WDFY2: variants seen among roughly 807,000 people sequenced by gnomAD.
The protein encoded by WDFY2 is WD repeat and FYVE domain-containing protein 2.
In WDFY2, 36 loss-of-function variants were observed where a neutral mutation model predicts 56.4. The ratio of observed to expected loss-of-function variants is 0.64; its 90% confidence interval spans 0.49 to 0.84. The LOEUF (loss-of-function observed/expected upper bound fraction) is 0.84, where lower values mean the gene tolerates loss of function less well. Ranked by LOEUF, WDFY2 falls within the 40% of genes least tolerant of loss-of-function variation. The pLI, the probability that WDFY2 is intolerant of heterozygous loss-of-function variation, is 0.00. For missense variants in WDFY2, 444 were observed against 512.2 expected, an observed-to-expected ratio of 0.87 and a Z score of 1.29; for synonymous variants, 176 against 183.7, an observed-to-expected ratio of 0.96 and a Z score of 0.34.
At chr13:51,638,389 AG>A (rs1215727115) in intron 1 of WDFY2, among the ~76,000 whole-genome samples, 1 of 152,178 alleles carries the variant, frequency 6.6e-6, no homozygotes, top group African/African-American at 2.4e-5. Flanking sequence ...AGAATTTGAC[AG>A]GGCTGAGCAA....
At chr13:51,723,938 C>T (rs1952545151) in intron 5 of WDFY2, among the ~76,000 whole-genome samples, 2 of 152,226 alleles carry the variant, frequency 1.3e-5, no homozygotes, top group Non-Finnish European at 2.9e-5. Flanking sequence ...TTAGCTAGGG[C>T]TATTTGGTTA....
intron 3 of WDFY2, among the ~76,000 whole-genome samples, chr13:51,697,632 C>CA (rs200946257): frequency 0.025 from 2,010 of 79,920 alleles, 17 homozygotes; most frequent in African/African-American, 0.067. Context: ...GATCCTGCCT[C>CA]AAAAAAAAAA....
intron 1 of WDFY2, among the ~76,000 whole-genome samples, chr13:51,630,841 C>G (rs767830914): frequency 6.6e-6 from 1 of 150,580 alleles, no homozygotes; most frequent in Non-Finnish European, 1.5e-5. Context: ...TGCAGTGGCG[C>G]TATCTCGGGT....
At chr13:51,679,003 C>A (rs563414660) in intron 3 of WDFY2, among the ~76,000 whole-genome samples, 9 of 152,158 alleles carry the variant, frequency 5.9e-5, no homozygotes, top group East Asian at 1.9e-4. Flanking sequence ...GGGAAAAAAA[C>A]CACCCAAACC....
intron 6 of WDFY2, among the ~76,000 whole-genome samples, chr13:51,734,831 G>A (rs1435808487): frequency 6.6e-6 from 1 of 152,220 alleles, no homozygotes; most frequent in Non-Finnish European, 1.5e-5. Context: ...CACTGAAAGG[G>A]ACCAGAAAGA....
intron 3 of WDFY2, among the ~76,000 whole-genome samples, chr13:51,686,699 C>T (rs906623615): frequency 6.6e-6 from 1 of 151,988 alleles, no homozygotes; most frequent in East Asian, 1.9e-4. Flanking sequence ...GTGTGGAGAC[C>T]ATGGTTATAA....
At chr13:51,632,524 T>C (rs1343267924) in intron 1 of WDFY2, among the ~76,000 whole-genome samples, 1 of 152,218 alleles carries the variant, frequency 6.6e-6, no homozygotes, top group Non-Finnish European at 1.5e-5. Context: ...GTGGAGCAGG[T>C]CTTTCAGGTT....
intron 1 of WDFY2, among the ~76,000 whole-genome samples, chr13:51,611,275 A>AG (rs1954497683): frequency 6.6e-6 from 1 of 152,214 alleles, no homozygotes; most frequent in African/African-American, 2.4e-5. Flanking sequence ...CTGTTGCTTC[A>AG]CTTGGTCAAT....
intron 1 of WDFY2, among the ~76,000 whole-genome samples, chr13:51,621,784 C>A (rs1954732179): frequency 6.6e-6 from 1 of 152,060 alleles, no homozygotes; most frequent in Non-Finnish European, 1.5e-5. Flanking sequence ...TAAGATTAGA[C>A]TGGTTCTGGA....
At chr13:51,689,525 A>G (rs952415264) in intron 3 of WDFY2, among the ~76,000 whole-genome samples, 4 of 152,286 alleles carry the variant, frequency 2.6e-5, no homozygotes, top group African/African-American at 9.6e-5. Context: ...CGACGCTTCC[A>G]TGTAGTATGA....
chr13:51,710,550 G>T (rs1035756349), intron 4 of WDFY2, among the ~76,000 whole-genome samples: 1 of 152,162 alleles, frequency 6.6e-6, no homozygotes, highest in Non-Finnish European at 1.5e-5. Context: ...CATTGTCTCA[G>T]CCCAAAATCT....
chr13:51,602,645 A>G (rs2138316040), intron 1 of WDFY2, among the ~76,000 whole-genome samples: 1 of 152,362 alleles, frequency 6.6e-6, no homozygotes, highest in South Asian at 2.1e-4. Flanking sequence ...GCTTATAAAT[A>G]TGTCACAAGA....
chr13:51,733,991 C>T (rs1012823006), intron 6 of WDFY2, among the ~76,000 whole-genome samples: 1 of 152,166 alleles, frequency 6.6e-6, no homozygotes, highest in African/African-American at 2.4e-5. Context: ...AAACCCTTGT[C>T]ACTTCACTCT....
At chr13:51,611,675 C>A (rs902634513) in intron 1 of WDFY2, among the ~76,000 whole-genome samples, 19 of 152,250 alleles carry the variant, frequency 1.2e-4, no homozygotes, top group South Asian at 1.2e-3. Context: ...AGGACTGAAT[C>A]CTGATGACTC....
chr13:51,692,991 T>G (rs1194786783), intron 3 of WDFY2, among the ~76,000 whole-genome samples: 2 of 152,212 alleles, frequency 1.3e-5, no homozygotes. Flanking sequence ...TAGAGGTGTT[T>G]GTAGTATTCT....
At chr13:51,751,616 A>G in intron 8 of WDFY2, 1 of 561,352 alleles carries the variant, frequency 1.8e-6, no homozygotes, top group Non-Finnish European at 3.2e-6. Context: ...AGAGTTCATA[A>G]GAATTTTGAC....
intron 3 of WDFY2, among the ~76,000 whole-genome samples, chr13:51,687,107 A>G (rs1956074544): frequency 6.7e-6 from 1 of 149,876 alleles, no homozygotes; most frequent in South Asian, 2.1e-4. Context: ...ATAGTATATT[A>G]TGTATTAATA....
At chr13:51,751,053 T>G (rs972000292) in intron 7 of WDFY2, among the ~76,000 whole-genome samples, 3 of 152,172 alleles carry the variant, frequency 2.0e-5, no homozygotes, top group Non-Finnish European at 4.4e-5. Context: ...ATCAGCTTTT[T>G]TCCTTAAAAA....
At chr13:51,665,940 G>A (rs1451452980) in intron 2 of WDFY2, among the ~76,000 whole-genome samples, 1 of 152,178 alleles carries the variant, frequency 6.6e-6, no homozygotes, top group Non-Finnish European at 1.5e-5. Flanking sequence ...GCGATGAAAT[G>A]ACCTGTCTTG....
Sources: allele counts gnomAD v4.1 joint callset (sites outside exome capture counted in the v4.1 genomes callset), GRCh38; gene constraint gnomAD v4.1.1; transcripts MANE v1.5; gene names NCBI Gene and HGNC (gene_info 2026-07-23, HGNC 2026-07-21).